UNC5D: variants seen among roughly 807,000 people sequenced by gnomAD.
UNC5D encodes the protein unc-5 netrin receptor D.
UNC5D carries 39 observed loss-of-function variants against 105.4 expected under a neutral mutation model. The observed-to-expected ratio is 0.37, with a 90% confidence interval of 0.29 to 0.48. UNC5D has a LOEUF of 0.48. Among genes scored for constraint, UNC5D ranks in the 20% least tolerant of loss-of-function variants. The pLI is 0.98. For synonymous variants in UNC5D, 452 were observed against 450.4 expected (o/e 1.00, Z -0.04); for missense variants, 991 against 1,202.4 (o/e 0.82, Z 2.60).
chr8:35,622,026 G>T (rs879559459), intron 4 of UNC5D, among the ~76,000 whole-genome samples: 2 of 152,196 alleles, frequency 1.3e-5, no homozygotes, highest in Admixed American at 1.3e-4. Flanking sequence ...CTTGCAAAAC[G>T]CAGTTGCATG....
rs1053079859 is a variant in UNC5D, at chr8:35,275,126, TTTTA to T, written c.103+39241_103+39244del. 9.7e-4 allele frequency among the ~76,000 whole-genome samples: 137 copies of T among 141,478 alleles called. 3 individuals carry two copies. In the East Asian group the frequency reaches 0.024, roughly 25 times the overall value. The allele number at this position is 141,478 out of a possible 152,430, so 92.8% of individuals were successfully genotyped here. A position where few individuals can be genotyped will look rare whatever the true frequency, so the allele number is the denominator to read the frequency against. On this transcript the variant is annotated intron_variant, in intron 1 of 16. Transcript: ENST00000404895. ...AACAAAACAACAACAAAATATATAT[TTTTA>T]TATATATATATATTTATGAAAACAT...
At chr8:35,662,135 T>C (rs1824140474) in intron 4 of UNC5D, among the ~76,000 whole-genome samples, 1 of 151,926 alleles carries the variant, frequency 6.6e-6, no homozygotes, top group Non-Finnish European at 1.5e-5. Context: ...AGTAAACTCC[T>C]TTGTATCTCT....
At chr8:35,423,266 AC>A (rs1249834073) in intron 1 of UNC5D, among the ~76,000 whole-genome samples, 1 of 152,152 alleles carries the variant, frequency 6.6e-6, no homozygotes, top group African/African-American at 2.4e-5. Flanking sequence ...CCCTGTCACC[AC>A]ACGTGCCCTT....
chr8:35,507,982 G>T (rs1363231344), intron 1 of UNC5D, among the ~76,000 whole-genome samples: 3 of 152,154 alleles, frequency 2.0e-5, no homozygotes, highest in Non-Finnish European at 4.4e-5. Context: ...TGAGTAGGTT[G>T]CAAGGGCTGT....
intron 1 of UNC5D, among the ~76,000 whole-genome samples, chr8:35,505,525 A>G (rs16884059): frequency 0.029 from 4,374 of 152,296 alleles, 128 homozygotes; most frequent in South Asian, 0.098. Flanking sequence ...GTAAGGGTGT[A>G]GATGATCAAG....
intron 7 of UNC5D, among the ~76,000 whole-genome samples, chr8:35,703,508 G>A (rs1226524721): frequency 1.3e-5 from 2 of 152,206 alleles, no homozygotes; most frequent in African/African-American, 4.8e-5. Context: ...CTCATGCCTT[G>A]TGTGCCCTTG....
intron 14 of UNC5D, among the ~76,000 whole-genome samples, chr8:35,765,248 G>A (rs554963161): frequency 1.3e-5 from 2 of 152,298 alleles, no homozygotes; most frequent in South Asian, 2.1e-4. Flanking sequence ...CCTGCCAGCA[G>A]GGGAGTCTAT....
At chr8:35,316,469 C>T (rs1809314429) in intron 1 of UNC5D, among the ~76,000 whole-genome samples, 1 of 152,112 alleles carries the variant, frequency 6.6e-6, no homozygotes, top group South Asian at 2.1e-4. Flanking sequence ...GGTATTTATT[C>T]AGTGAACACA....
intron 14 of UNC5D, among the ~76,000 whole-genome samples, chr8:35,763,702 T>C (rs759656654): frequency 5.9e-5 from 9 of 152,196 alleles, no homozygotes; most frequent in Non-Finnish European, 1.3e-4. Context: ...GTTACTTTCA[T>C]TGAAGTGCAT....
At chr8:35,317,119 C>A (rs1809366147) in intron 1 of UNC5D, among the ~76,000 whole-genome samples, 2 of 152,018 alleles carry the variant, frequency 1.3e-5, no homozygotes, top group African/African-American at 4.8e-5. Context: ...TTCCAAGGTC[C>A]CATAGCTAAT....
chr8:35,273,304 A>G (rs1020419584), intron 1 of UNC5D, among the ~76,000 whole-genome samples: 1 of 152,258 alleles, frequency 6.6e-6, no homozygotes, highest in Non-Finnish European at 1.5e-5. Flanking sequence ...TAATGCATGT[A>G]TCTTATCGTT....
chr8:35,353,073 A>T (rs1477080971), intron 1 of UNC5D, among the ~76,000 whole-genome samples: 1 of 152,220 alleles, frequency 6.6e-6, no homozygotes. Flanking sequence ...ATTCAACTAC[A>T]TAAAAAACAT....
intron 1 of UNC5D, among the ~76,000 whole-genome samples, chr8:35,314,550 T>A (rs1319054952): frequency 7.4e-6 from 1 of 135,158 alleles, no homozygotes; most frequent in Non-Finnish European, 1.6e-5. Context: ...AACAACTGAA[T>A]AAAATGTAAT....
At chr8:35,405,196 A>G (rs921770073) in intron 1 of UNC5D, among the ~76,000 whole-genome samples, 8 of 152,156 alleles carry the variant, frequency 5.3e-5, no homozygotes. Context: ...TGGTAGCTGC[A>G]TGCACCCAGA....
intron 1 of UNC5D, among the ~76,000 whole-genome samples, chr8:35,454,158 G>A (rs927700028): frequency 5.9e-5 from 9 of 152,104 alleles, no homozygotes; most frequent in African/African-American, 2.2e-4. Context: ...TGGAACAGGA[G>A]TGGAATGGGA....
At chr8:35,780,480 C>A (rs900714530) in intron 16 of UNC5D, among the ~76,000 whole-genome samples, 1 of 152,140 alleles carries the variant, frequency 6.6e-6, no homozygotes, top group Non-Finnish European at 1.5e-5. Context: ...GAGGAAGGCC[C>A]CAAGGCAGCT....
Position 35,632,387 on chromosome 8 carries a change from A to C in UNC5D, c.570+36730A>C, listed in dbSNP as rs796225728. ...TGTGTGTCCTGTGGGATGAAATGGA[A>C]ATCTCTTATTTGTAATCACAATGAT... is the stretch of plus-strand genomic sequence containing the variant. On this transcript the variant is annotated intron_variant, in intron 4 of 16. Transcript: ENST00000404895. Among the ~76,000 whole-genome samples, 16 of 152,288 alleles carry C rather than the reference A, an allele frequency of 1.1e-4. 1 individual carries two copies. The highest frequency in any genetic ancestry group is 3.8e-4 in the African/African-American group (16 of 41,566).
chr8:35,461,531 T>C (rs935045492), intron 1 of UNC5D, among the ~76,000 whole-genome samples: 14 of 152,146 alleles, frequency 9.2e-5, no homozygotes, highest in Non-Finnish European at 1.9e-4. Context: ...TAACACATAA[T>C]AATAGCAATT....
rs117212309 is a variant in UNC5D, at chr8:35,292,316, G to T, written c.103+56429G>T. 1.2e-3 allele frequency among the ~76,000 whole-genome samples: 177 copies of T among 152,296 alleles called. 4 individuals carry two copies. In the East Asian group the frequency reaches 0.031, roughly 27 times the overall value. ...CTCTAATTACCTTTATCTATTATGT[G>T]AGGATTTTACTCACTTTGCCAAATT... On this transcript the variant is annotated intron_variant, in intron 1 of 16. Coordinates refer to ENST00000404895, the MANE Select transcript of UNC5D (RefSeq NM_080872.4).
Sources: gnomAD v4.1 joint callset for allele counts (sites outside exome capture counted in the v4.1 genomes callset) on GRCh38, gnomAD v4.1.1 for gene constraint, MANE v1.5 for transcripts, NCBI Gene and HGNC (gene_info 2026-07-23, HGNC 2026-07-21) for gene names.